Variants in PTPN23 observed in about 807,000 individuals in gnomAD.
PTPN23 encodes the protein protein tyrosine phosphatase non-receptor type 23.
Under a neutral mutation model 156.3 loss-of-function variants are expected in PTPN23, and 72 were observed. The observed-to-expected ratio is 0.46, with a 90% CI of 0.38 to 0.56. The LOEUF (loss-of-function observed/expected upper bound fraction) is 0.56, where lower values mean the gene tolerates loss of function less well. Among genes scored for constraint, PTPN23 ranks in the 20% least tolerant of loss-of-function variants. The pLI is 0.00. For synonymous variants in PTPN23, 957 were observed against 899.6 expected, an observed-to-expected ratio of 1.06 and a Z score of -1.14; for missense variants, 1,974 against 2,171.5, an observed-to-expected ratio of 0.91 and a Z score of 1.81.
At chr3:47,386,716 C>T (rs1211388089) in intron 1 of PTPN23, among the ~76,000 whole-genome samples, 1 of 152,174 alleles carries the variant, frequency 6.6e-6, no homozygotes, top group Non-Finnish European at 1.5e-5. Context: ...TGCCTGTTAC[C>T]TGTGGTGGTG....
rs763745936 is a variant in PTPN23, at chr3:47,409,942, A to C, written c.2144A>C (p.Lys715Thr). 2.0e-5 allele frequency: 32 copies of C among 1,568,540 alleles called. No individual in the cohort carries two copies. Among genetic ancestry groups the C allele is most frequent in the Admixed American group, 1.9e-4 (10 of 52,372 alleles). Residue 715 changes from lysine to threonine, a missense_variant, in exon 20 of 25, where the codon AAG becomes ACG. Lys to Thr is a moderately conservative substitution (Grantham distance 78, BLOSUM62 -1). This residue lies in a region of PTPN23 where 731 missense variants were observed against 669.1 expected (regional missense o/e 1.09). Coordinates refer to ENST00000265562, the MANE Select transcript of PTPN23 (RefSeq NM_015466.4). Reference sequence around the variant, plus strand: ...CTGTCGCACAGGGAGCTGAAGAAGAAGCCGCCGCCACGGCCCACAGCCCCA... The same window carrying C: ...CTGTCGCACAGGGAGCTGAAGAAGACGCCGCCGCCACGGCCCACAGCCCCA... Reference protein sequence around the residue: ...QQLLDRELKKKPPPRPTAPKP... With the variant: ...QQLLDRELKKTPPPRPTAPKP...
intron 1 of PTPN23, 97 bp downstream of exon 1, chr3:47,381,277 C>T: frequency 6.7e-7 from 1 of 1,494,348 alleles, no homozygotes; most frequent in Non-Finnish European, 9.1e-7. Context: ...TCCTCAGGCC[C>T]GGTCGCAGGG....
At chr3:47,397,205 A>G (rs1006642715) in intron 2 of PTPN23, among the ~76,000 whole-genome samples, 11 of 152,338 alleles carry the variant, frequency 7.2e-5, no homozygotes, top group Middle Eastern at 3.4e-3. Context: ...ACTGATCACC[A>G]TAACAGATAT....
intron 14 of PTPN23, 146 bp from the exon 15 acceptor site, chr3:47,408,199 C>G (rs1045729566): frequency 1.7e-6 from 2 of 1,193,446 alleles, no homozygotes; most frequent in Non-Finnish European, 2.4e-6. Context: ...GAGACCAGGC[C>G]AGACCTGGTA....
chr3:47,383,897 C>A (rs193257432), intron 1 of PTPN23, among the ~76,000 whole-genome samples: 80 of 152,284 alleles, frequency 5.3e-4, no homozygotes, highest in Middle Eastern at 3.4e-3. Context: ...CCAACCTGCA[C>A]CCCCTTCCCC....
chr3:47,410,828 G>A lies in PTPN23; in HGVS notation c.3030G>A (p.Pro1010=), dbSNP rs753349221. 12 of 1,534,526 alleles carry A rather than the reference G, an allele frequency of 7.8e-6. No homozygotes were observed. Among genetic ancestry groups the A allele is most frequent in the Non-Finnish European group, 8.8e-6 (10 of 1,137,470 alleles). The change falls in exon 20 of 25, where the codon CCG becomes CCA. Residue 1010 remains proline (P), a synonymous_variant. Transcript: ENST00000265562. ...CTCAGCCTGGGGTCCTGGGGCAGCCGCCACCCCCCCTACACACCCAGCTCT... is the reference window on the plus strand; with the variant it reads ...CTCAGCCTGGGGTCCTGGGGCAGCCACCACCCCCCCTACACACCCAGCTCT... ...YAPQPGVLGQ[P]PPPLHTQLYP...
At chr3:47,384,661 A>G (rs2107690571) in intron 1 of PTPN23, among the ~76,000 whole-genome samples, 1 of 152,256 alleles carries the variant, frequency 6.6e-6, no homozygotes, top group Middle Eastern at 3.4e-3. Context: ...CACTCCCAGT[A>G]GACAAGCCTT....
rs1179804970 is a variant in PTPN23, at chr3:47,411,070, C to T, written c.3272C>T (p.Ser1091Phe). 10 of 1,586,548 alleles carry T rather than the reference C, an allele frequency of 6.3e-6. No homozygotes were observed. The highest frequency in any genetic ancestry group is 1.2e-5 in the South Asian group (1 of 85,978). Reference protein sequence around the residue: ...SPHLVPSPAPSPGPGPVPPRP... With the variant: ...SPHLVPSPAPFPGPGPVPPRP... Reference sequence around the variant, plus strand: ...CACCTGGTGCCTTCACCTGCCCCATCTCCAGGGCCTGGTCCGGTACCCCCT... The same window carrying T: ...CACCTGGTGCCTTCACCTGCCCCATTTCCAGGGCCTGGTCCGGTACCCCCT... The change falls in exon 20 of 25, where the codon TCT becomes TTT. Residue 1091 changes from serine to phenylalanine, a missense_variant. Physicochemically the swap from Ser to Phe is radical, Grantham distance 155 (BLOSUM62 -2). Around this residue, in one of 4 missense-constraint regions of PTPN23, gnomAD observed 731 missense variants for 669.1 expected, o/e 1.09. Coordinates refer to ENST00000265562, the MANE Select transcript of PTPN23 (RefSeq NM_015466.4). This position sits in a 1 kb window ranked among gnomAD's most constrained non-coding sequence, Gnocchi z 6.3.
intron 2 of PTPN23, 137 bp downstream of exon 2, chr3:47,396,354 C>T: frequency 1.8e-6 from 1 of 543,808 alleles, no homozygotes; most frequent in Non-Finnish European, 3.2e-6. Context: ...GTGGGCAGAT[C>T]ATTTGAGGTC....
Position 47,413,130 on chromosome 3 carries a change from C to T in PTPN23, c.4856C>T (p.Pro1619Leu), listed in dbSNP as rs757532898. 3.7e-6 allele frequency: 6 copies of T among 1,612,828 alleles called. No individual in the cohort carries two copies. The East Asian group carries it at 1.1e-4, about 30-fold the overall frequency. The part of the protein sequence containing the change: ...HNGQGLRATR[P>L]SDDPLSLLDP... Reference sequence around the variant, plus strand: ...GGGCAAGGGCTGCGGGCCACCCGGCCCTCTGACGACCCCCTCAGCCTTCTG... The same window carrying T: ...GGGCAAGGGCTGCGGGCCACCCGGCTCTCTGACGACCCCCTCAGCCTTCTG... Residue 1619 changes from proline to leucine, a missense_variant, in exon 25 of 25, where the codon CCC becomes CTC. Transcript: ENST00000265562.
At chr3:47,389,548 T>A (rs1417201350) in intron 1 of PTPN23, among the ~76,000 whole-genome samples, 1 of 151,088 alleles carries the variant, frequency 6.6e-6, no homozygotes, top group Non-Finnish European at 1.5e-5. Context: ...AAGTCAAGGG[T>A]TCGGGACCAG....
intron 1 of PTPN23, among the ~76,000 whole-genome samples, chr3:47,391,379 A>T (rs1480109286): frequency 6.6e-6 from 1 of 152,188 alleles, no homozygotes; most frequent in Admixed American, 6.5e-5. Context: ...TAGCACCGTG[A>T]CCTTGGTGAA....
chr3:47,407,936 G>A lies in PTPN23; in HGVS notation c.1165G>A (p.Asp389Asn). 1 of 1,614,016 alleles carries A rather than the reference G, an allele frequency of 6.2e-7. No homozygotes were observed. Among genetic ancestry groups the A allele is most frequent in the Non-Finnish European group, 8.5e-7 (1 of 1,179,984 alleles). Residue 389 changes from aspartate (D) to asparagine (N), a missense_variant, in exon 14 of 25, where the codon GAC becomes AAC. Transcript: ENST00000265562. The surrounding 1 kb of genome is among the most constrained non-coding windows in gnomAD (Gnocchi z 4.0). ...CCGGGAGATGATGGCCAAGATTGAG[G>A]ACAAGAATGAGGTCCTGGAGTGAGT... ...LLREMMAKIE[D>N]KNEVLDQFMD...
intron 2 of PTPN23, among the ~76,000 whole-genome samples, chr3:47,402,914 C>T (rs2107710677): frequency 6.6e-6 from 1 of 152,200 alleles, no homozygotes; most frequent in East Asian, 1.9e-4. Flanking sequence ...CCATGTTGGC[C>T]AGGCTGGCAT....
intron 1 of PTPN23, among the ~76,000 whole-genome samples, chr3:47,392,394 C>T (rs1446822808): frequency 6.6e-6 from 1 of 152,094 alleles, no homozygotes; most frequent in East Asian, 1.9e-4. Context: ...GCCATATTGC[C>T]CAGGCTGGTC....
chr3:47,399,959 G>C (rs1179654041), intron 2 of PTPN23, among the ~76,000 whole-genome samples: 1 of 152,068 alleles, frequency 6.6e-6, no homozygotes, highest in Non-Finnish European at 1.5e-5. Flanking sequence ...GGACAAGTAT[G>C]CACCACCATG....
In PTPN23 at chr3:47,396,124, T is replaced by C; in HGVS notation, c.85-19T>C. 6.2e-7 allele frequency: 1 copy of C among 1,606,362 alleles called. No homozygotes were observed. Among genetic ancestry groups the C allele is most frequent in the Non-Finnish European group, 8.5e-7 (1 of 1,174,872 alleles). On this transcript the variant is annotated intron_variant, in intron 1 of 24. Transcript: ENST00000265562. The stretch of plus-strand genomic sequence containing the variant: ...GGGGGTCTTCTCTGCCACTGGCTTA[T>C]GTTCTTCTCTCTCTGTAGTTTGTCC...
chr3:47,413,223 ATCATC>A lies in PTPN23; in HGVS notation c.*43_*47del. 6.4e-7 allele frequency: 1 copy of A among 1,572,104 alleles called. No individual in the cohort carries two copies. On this transcript the variant is annotated 3_prime_UTR_variant, in exon 25 of 25. Transcript: ENST00000265562. ...TACCTGGTCCTTACACTACATCATC[ATCATC>A]TCATGCCCACCTGCCCACACCCAGC... is the stretch of plus-strand genomic sequence containing the variant.
Position 47,406,884 on chromosome 3 carries a change from G to A in PTPN23, c.807+134G>A, listed in dbSNP as rs1204454398. The A allele has an allele frequency of 5.5e-6, 7 of 1,271,178 alleles. No homozygotes were observed. Among genetic ancestry groups the A allele is most frequent in the East Asian group, 2.5e-5 (1 of 39,748 alleles). The allele number at this position is 1,271,178 out of a possible 1,614,324, so 78.7% of individuals were successfully genotyped here. On this transcript the variant is annotated intron_variant, in intron 9 of 24. Transcript: ENST00000265562. The surrounding 1 kb of genome is among the most constrained non-coding windows in gnomAD (Gnocchi z 5.8). The stretch of plus-strand genomic sequence containing the variant: ...GCCATCACCCTGCTGGAGGCCTGGT[G>A]TCTTAAGTGTTGTCCCATCTGTGCA...
Sources: allele counts gnomAD v4.1 joint callset (sites outside exome capture counted in the v4.1 genomes callset), GRCh38; gene constraint gnomAD v4.1.1; regional missense constraint gnomAD v4.1.1; non-coding constraint Gnocchi (gnomAD v3.1); transcripts MANE v1.5; gene names NCBI Gene and HGNC (gene_info 2026-07-23, HGNC 2026-07-21).